The following ADAMTS16 variants were observed in gnomAD, a reference collection of about 807,000 sequenced individuals.
The protein encoded by ADAMTS16 is ADAM metallopeptidase with thrombospondin type 1 motif 16.
ADAMTS16 carries 94 observed loss-of-function variants against 145.8 expected under a neutral mutation model. The ratio of observed to expected loss-of-function variants is 0.64; its 90% CI spans 0.55 to 0.77. The LOEUF (loss-of-function observed/expected upper bound fraction) is 0.77. Ranked by LOEUF, ADAMTS16 falls within the 30% of genes least tolerant of loss-of-function variation. The pLI, the probability that ADAMTS16 is intolerant of heterozygous loss-of-function variation, is 0.00. For missense variants in ADAMTS16, 1,585 were observed against 1,591.5 expected (o/e 1.00, Z 0.07); for synonymous variants, 659 against 604.3 (o/e 1.09, Z -1.33).
At chr5:5,194,918 GT>G (rs545752094) in intron 8 of ADAMTS16, among the ~76,000 whole-genome samples, 69 of 152,078 alleles carry the variant, frequency 4.5e-4, no homozygotes, top group Non-Finnish European at 9.1e-4. Flanking sequence ...TTTCAGTTCT[GT>G]TTACATTCGG....
At chr5:5,221,550 C>A (rs143493674) in intron 10 of ADAMTS16, among the ~76,000 whole-genome samples, 2 of 152,088 alleles carry the variant, frequency 1.3e-5, no homozygotes, top group African/African-American at 4.8e-5. Flanking sequence ...TAAACCACAG[C>A]GCAATATGAA....
At chr5:5,283,636 G>T (rs868051763) in intron 18 of ADAMTS16, among the ~76,000 whole-genome samples, 2 of 152,206 alleles carry the variant, frequency 1.3e-5, no homozygotes, top group Admixed American at 1.3e-4. Context: ...GGATCACAGA[G>T]TCACAGAGGA....
intron 3 of ADAMTS16, among the ~76,000 whole-genome samples, chr5:5,161,542 G>A (rs190333562): frequency 6.4e-4 from 97 of 152,300 alleles, no homozygotes; most frequent in African/African-American, 2.0e-3. Context: ...CAGTAGATAC[G>A]TAGATGTGTC....
intron 18 of ADAMTS16, among the ~76,000 whole-genome samples, chr5:5,272,031 G>A (rs1239152027): frequency 6.6e-6 from 1 of 152,122 alleles, no homozygotes; most frequent in Non-Finnish European, 1.5e-5. Context: ...GCAATGAAAA[G>A]GGGGGAGCAA....
At chr5:5,249,630 GC>G (rs35489248) in intron 17 of ADAMTS16, among the ~76,000 whole-genome samples, 4,571 of 152,244 alleles carry the variant, frequency 0.03, 168 homozygotes, top group East Asian at 0.15. Flanking sequence ...TACTCTCTCA[GC>G]TCTGCCATCC....
chr5:5,168,669 AATAATT>A (rs1164542021), intron 3 of ADAMTS16, among the ~76,000 whole-genome samples: 1 of 64,320 alleles, frequency 1.6e-5, no homozygotes, highest in Non-Finnish European at 2.8e-5. Flanking sequence ...ATATTTATAT[AATAATT>A]ATAATTATAT....
At chr5:5,224,049 C>G (rs114609964) in intron 11 of ADAMTS16, among the ~76,000 whole-genome samples, 1 of 151,960 alleles carries the variant, frequency 6.6e-6, no homozygotes, top group African/African-American at 2.4e-5. Flanking sequence ...TGCTAACACA[C>G]GTTTTCAGGT....
intron 17 of ADAMTS16, among the ~76,000 whole-genome samples, chr5:5,255,430 G>A (rs552551550): frequency 4.7e-4 from 71 of 152,322 alleles, no homozygotes; most frequent in African/African-American, 1.4e-3. Flanking sequence ...GAGTTACTCC[G>A]GATTTTGAAA....
At chr5:5,300,174 C>G (rs1421873948) in intron 18 of ADAMTS16, among the ~76,000 whole-genome samples, 1 of 152,106 alleles carries the variant, frequency 6.6e-6, no homozygotes, top group African/African-American at 2.4e-5. Flanking sequence ...TCTTTTGCAG[C>G]CTCAGTGTAG....
At chr5:5,318,917 G>T (rs555901712) in intron 22 of ADAMTS16, 106 bp from the exon 23 acceptor site, 4 of 799,798 alleles carry the variant, frequency 5.0e-6, no homozygotes, top group Admixed American at 2.1e-5. Flanking sequence ...TGCAGCAGCC[G>T]CAGAGCGTGA....
At chr5:5,227,267 T>G (rs1001124472) in intron 11 of ADAMTS16, among the ~76,000 whole-genome samples, 3 of 152,254 alleles carry the variant, frequency 2.0e-5, no homozygotes, top group African/African-American at 7.2e-5. Flanking sequence ...ACGTGCTTAT[T>G]TTGTGAACAG....
chr5:5,206,198 G>A (rs1029114404), intron 9 of ADAMTS16, among the ~76,000 whole-genome samples: 19 of 151,024 alleles, frequency 1.3e-4, no homozygotes, highest in African/African-American at 3.6e-4. Context: ...AGGCCGAGGC[G>A]GGCGGATCAC....
intron 2 of ADAMTS16, among the ~76,000 whole-genome samples, chr5:5,145,622 G>A (rs1871469): frequency 1 from 151,857 of 152,390 alleles, 75,683 homozygotes; most frequent in Middle Eastern, 1. Context: ...TGTGCCCCCA[G>A]TAAAGGACGA....
Position 5,182,164 on chromosome 5 carries a change from T to C in ADAMTS16, c.622T>C (p.Ser208Pro). The part of the protein sequence containing the change: ...SSPSHVLYKR[S>P]TEPHAPGASE... ...GCCATCCCACGTACTGTACAAGAGA[T>C]CCACAGAGCCCCATGCTCCTGGGGC... The change falls in exon 4 of 23, where the codon TCC (serine) becomes CCC (proline). Residue 208 changes from serine to proline, a missense_variant. Ser to Pro is a moderately conservative substitution (Grantham distance 74, BLOSUM62 -1). This residue lies in a region of ADAMTS16 where 453 missense variants were observed against 412.1 expected (regional missense o/e 1.10). Transcript: ENST00000274181. The C allele has an allele frequency of 1.9e-6, 3 of 1,614,062 alleles. No individual in the cohort carries two copies. The highest frequency in any genetic ancestry group is 2.5e-6 in the Non-Finnish European group (3 of 1,180,018).
At chr5:5,256,562 C>T (rs1385577929) in intron 17 of ADAMTS16, among the ~76,000 whole-genome samples, 1 of 152,086 alleles carries the variant, frequency 6.6e-6, no homozygotes, top group African/African-American at 2.4e-5. Context: ...TGGGACTTTG[C>T]CCACACTGAG....
At chr5:5,277,076 C>G (rs1169545366) in intron 18 of ADAMTS16, among the ~76,000 whole-genome samples, 1 of 152,080 alleles carries the variant, frequency 6.6e-6, no homozygotes, top group Non-Finnish European at 1.5e-5. Flanking sequence ...GGACATGAAA[C>G]CTATGAAGAT....
intron 2 of ADAMTS16, among the ~76,000 whole-genome samples, chr5:5,144,351 A>G (rs1296593824): frequency 6.6e-6 from 1 of 152,130 alleles, no homozygotes; most frequent in East Asian, 1.9e-4. Context: ...CTTACAACGT[A>G]CTTTGAAAGC....
chr5:5,297,405 C>A (rs143957703), intron 18 of ADAMTS16, among the ~76,000 whole-genome samples: 5 of 152,316 alleles, frequency 3.3e-5, no homozygotes, highest in African/African-American at 1.2e-4. Flanking sequence ...AGTGCTGTTG[C>A]CAATTAGAGT....
chr5:5,256,487 C>T (rs142751374), intron 17 of ADAMTS16, among the ~76,000 whole-genome samples: 177 of 152,322 alleles, frequency 1.2e-3, no homozygotes, highest in African/African-American at 4.2e-3. Context: ...TAAATTATCA[C>T]ATGACTTACT....
Sources: allele counts gnomAD v4.1 joint callset (sites outside exome capture counted in the v4.1 genomes callset), GRCh38; gene constraint gnomAD v4.1.1; regional missense constraint gnomAD v4.1.1; transcripts MANE v1.5; gene names NCBI Gene and HGNC (gene_info 2026-07-23, HGNC 2026-07-21).